Variants in ATL2 observed in about 807,000 individuals in gnomAD.
ATL2 encodes atlastin GTPase 2, also known as atlastin-2.
ATL2 carries 31 observed loss-of-function variants against 73.9 expected under a neutral mutation model. That is an observed-to-expected ratio of 0.42 (90% CI 0.32 to 0.57). ATL2 has a LOEUF of 0.57. ATL2 is among the 20% of genes least tolerant of loss of function. ATL2 has a pLI of 0.14. For synonymous variants in ATL2, 291 were observed against 237.5 expected (o/e 1.23, Z -2.07); for missense variants, 738 against 702.6 (o/e 1.05, Z -0.57).
intron 7 of ATL2, 126 bp from the exon 8 acceptor site, chr2:38,310,573 T>C (rs555979551): frequency 1.5e-6 from 1 of 684,640 alleles, no homozygotes; most frequent in South Asian, 3.8e-5. Flanking sequence ...AGGAGTCTTT[T>C]TTGACAATAC....
At chr2:38,365,036 T>TC (rs1671231722) in intron 1 of ATL2, among the ~76,000 whole-genome samples, 1 of 141,662 alleles carries the variant, frequency 7.1e-6, no homozygotes, top group South Asian at 2.2e-4. Flanking sequence ...AGAGCGAGAC[T>TC]CCGTCTCAAA....
chr2:38,306,599 G>A (rs56340266), intron 9 of ATL2, among the ~76,000 whole-genome samples: 15,261 of 151,222 alleles, frequency 0.1, 2,571 homozygotes, highest in African/African-American at 0.35. Flanking sequence ...CAATCAATCA[G>A]TCAGTCAATG....
intron 1 of ATL2, among the ~76,000 whole-genome samples, chr2:38,347,875 T>C (rs1670118167): frequency 6.7e-6 from 1 of 149,898 alleles, no homozygotes; most frequent in African/African-American, 2.5e-5. Flanking sequence ...CAAGCCATTC[T>C]CCTGTCTCAG....
At chr2:38,311,728 A>G (rs1431980790) in intron 7 of ATL2, among the ~76,000 whole-genome samples, 1 of 152,246 alleles carries the variant, frequency 6.6e-6, no homozygotes, top group Non-Finnish European at 1.5e-5. Flanking sequence ...GGTGCTGGCT[A>G]AATGGCTATG....
Position 38,310,416 on chromosome 2 carries a change from T to A in ATL2, c.836A>T (p.Asn279Ile). 1 of 1,607,400 alleles carries A rather than the reference T, an allele frequency of 6.2e-7. No individual in the cohort carries two copies. The highest frequency in any genetic ancestry group is 8.5e-7 in the Non-Finnish European group (1 of 1,177,384). The change falls in exon 8 of 13, where the codon AAT becomes ATT. Residue 279 changes from asparagine to isoleucine, a missense_variant. Coordinates refer to ENST00000378954, the MANE Select transcript of ATL2 (RefSeq NM_001135673.4). ...ACAATTGTGTATGTGCTTCCTTACA[T>A]TCTGAAGCTCTTCATGTTGATTTTG... ...VKQNQHEELQ[N>I]VRKHIHNCFS...
intron 2 of ATL2, 32 bp downstream of exon 2, chr2:38,343,236 T>A (rs776606662): frequency 1.3e-5 from 20 of 1,549,356 alleles, no homozygotes; most frequent in Non-Finnish European, 1.5e-5. Flanking sequence ...CTTTTTTCTT[T>A]TTAATTGGGT....
chr2:38,321,978 C>A (rs1668347461), intron 2 of ATL2, among the ~76,000 whole-genome samples: 1 of 152,072 alleles, frequency 6.6e-6, no homozygotes, highest in Non-Finnish European at 1.5e-5. Context: ...CTGATACTCC[C>A]CATAGATCTC....
chr2:38,361,000 T>C (rs1175276941), intron 1 of ATL2, among the ~76,000 whole-genome samples: 2 of 151,954 alleles, frequency 1.3e-5, no homozygotes, highest in Non-Finnish European at 1.5e-5. Context: ...TTGAAATTAA[T>C]GCATAAGATC....
chr2:38,310,250 A>C, intron 8 of ATL2, 59 bp downstream of exon 8: 1 of 1,574,956 alleles, frequency 6.3e-7, no homozygotes, highest in Non-Finnish European at 8.7e-7. Context: ...GTATTTTCTT[A>C]AAAAACTTTC....
chr2:38,336,119 G>T (rs531984953), intron 2 of ATL2, among the ~76,000 whole-genome samples: 1 of 152,182 alleles, frequency 6.6e-6, no homozygotes, highest in Non-Finnish European at 1.5e-5. Context: ...TCTTGAGAAA[G>T]AACATAAGAC....
chr2:38,361,450 T>G (rs183309120), intron 1 of ATL2, among the ~76,000 whole-genome samples: 10 of 152,240 alleles, frequency 6.6e-5, no homozygotes, highest in African/African-American at 2.4e-4. Flanking sequence ...TACTGTATAT[T>G]ATTTATGAAA....
At position 38,343,404 on chromosome 2, in the gene ATL2, T is replaced by A. The variant is rs948879463; in HGVS notation, c.227A>T (p.Asp76Val). The change falls in exon 2 of 13, where the codon GAT (aspartate) becomes GTT (valine). Residue 76 changes from aspartate to valine, a missense_variant. Physicochemically the swap from Asp to Val is radical, Grantham distance 152. Coordinates refer to ENST00000378954, the MANE Select transcript of ATL2 (RefSeq NM_001135673.4). ...CAATATCTGCTCCAAAGCTTCTTCATCAAGTTCAAAGTTATGGTCATCTTC... is the reference window on the plus strand; with the variant it reads ...CAATATCTGCTCCAAAGCTTCTTCAACAAGTTCAAAGTTATGGTCATCTTC... ...AHEDDHNFELDEEALEQILLQ... is the reference protein window; with the variant it reads ...AHEDDHNFELVEEALEQILLQ... 1.9e-6 allele frequency: 3 copies of A among 1,613,104 alleles called. No individual in the cohort carries two copies. The African/African-American group carries it at 4.0e-5, about 22-fold the overall frequency.
intron 7 of ATL2, among the ~76,000 whole-genome samples, 182 bp from the exon 8 acceptor site, chr2:38,310,629 CTTTTTTTTTT>C (rs538258408): frequency 7.9e-6 from 1 of 127,302 alleles, no homozygotes. Context: ...TAAGACCCCA[CTTTTTTTTTT>C]TTTTTTTTTT....
intron 1 of ATL2, among the ~76,000 whole-genome samples, chr2:38,374,299 G>A (rs1671845649): frequency 6.6e-6 from 1 of 152,202 alleles, no homozygotes; most frequent in South Asian, 2.1e-4. Context: ...TGAATTCACT[G>A]TGGAATCAAG....
intron 1 of ATL2, among the ~76,000 whole-genome samples, chr2:38,349,352 G>A (rs2124430350): frequency 6.6e-6 from 1 of 151,628 alleles, no homozygotes; most frequent in South Asian, 2.1e-4. Flanking sequence ...CATAAAAAAT[G>A]ATGAGTTCAT....
intron 2 of ATL2, among the ~76,000 whole-genome samples, chr2:38,340,348 T>C (rs1669643531): frequency 6.6e-6 from 1 of 151,766 alleles, no homozygotes; most frequent in African/African-American, 2.4e-5. Flanking sequence ...GAAAAAAATT[T>C]TTAAGGAAAA....
In ATL2 at chr2:38,314,639, G is replaced by C; in HGVS notation, c.680C>G (p.Ala227Gly). ...LQLFTEYGRL[A>G]MEEIYQKPFQ... ...TGGTTTCTGGTAGATTTCTTCCATC[G>C]CAAGTCTTCCATACTCTGTAAATAA... Residue 227 changes from alanine to glycine, a missense_variant, in exon 6 of 13, where the codon GCG (alanine) becomes GGG (glycine). Physicochemically the swap from Ala to Gly is moderately conservative, Grantham distance 60. Transcript: ENST00000378954. 1.3e-6 allele frequency: 2 copies of C among 1,597,802 alleles called. No homozygotes were observed. Among genetic ancestry groups the C allele is most frequent in the Non-Finnish European group, 1.7e-6 (2 of 1,166,194 alleles).
intron 1 of ATL2, among the ~76,000 whole-genome samples, chr2:38,361,805 C>T (rs916546142): frequency 7.9e-5 from 12 of 152,086 alleles, no homozygotes; most frequent in Admixed American, 3.3e-4. Flanking sequence ...ATGAAATAAT[C>T]CTCTCAACAA....
chr2:38,354,190 A>T (rs1430666680), intron 1 of ATL2: 6 of 435,558 alleles, frequency 1.4e-5, no homozygotes, highest in African/African-American at 8.7e-5. Flanking sequence ...GTCTCAAAAA[A>T]AAGCAAAGAG....
Sources: gnomAD v4.1 joint callset for allele counts (sites outside exome capture counted in the v4.1 genomes callset) on GRCh38, gnomAD v4.1.1 for gene constraint, MANE v1.5 for transcripts, NCBI Gene and HGNC (gene_info 2026-07-23, HGNC 2026-07-21) for gene names.